Variants in MGST1 observed in about 807,000 individuals in gnomAD.
The protein encoded by MGST1 is glutathione S-transferase 12.
A neutral mutation model predicts 8.9 loss-of-function variants in MGST1; 5 were observed. That is an observed-to-expected ratio of 0.56 (90% CI 0.29 to 1.19). The LOEUF (loss-of-function observed/expected upper bound fraction) is 1.19, where lower values mean the gene tolerates loss of function less well. Among genes scored for constraint, MGST1 ranks in the 50% most tolerant of loss-of-function variants. The probability of loss-of-function intolerance (pLI) is 0.08; values close to 1 mark genes in which losing one functional copy is unlikely to be tolerated. For missense variants in MGST1, 182 were observed against 187.4 expected, an observed-to-expected ratio of 0.97 and a Z score of 0.17; for synonymous variants, 54 against 67.8, an observed-to-expected ratio of 0.80 and a Z score of 1.00.
downstream of MGST1, among the ~76,000 whole-genome samples, chr12:16,443,280 G>T (rs1941052927): frequency 6.6e-6 from 1 of 151,448 alleles, no homozygotes; most frequent in South Asian, 2.1e-4. Flanking sequence ...CATATAATTT[G>T]ACCTTTTAAA....
intron 4 of MGST1, among the ~76,000 whole-genome samples, chr12:16,523,671 TGCATTTTATTTTTGGAAAAA>T (rs934709037): frequency 6.6e-5 from 10 of 152,136 alleles, no homozygotes; most frequent in African/African-American, 2.4e-4. Flanking sequence ...TCTTTGAGGC[TGCATTTTATTTTTGGAAAAA>T]GCCCAAAATT....
rs1427346222 is a variant in MGST1 at position 16,560,553 on chromosome 12, A to T, written n.483-28975A>T. On this transcript the variant is annotated intron_variant and non_coding_transcript_variant, in intron 4 of 4. Coordinates refer to the MGST1 transcript ENST00000538857. This position sits in a 1 kb window ranked among gnomAD's most constrained non-coding sequence, Gnocchi z 5.0. ...CACCAAAGAGCCTAGAATAAGAAAC[A>T]TTTTTTTTTTTTTACAAACTCTTAC... 1.3e-5 allele frequency: 18 copies of T among 1,414,916 alleles called. No individual in the cohort carries two copies. Among genetic ancestry groups the T allele is most frequent in the East Asian group, 5.1e-5 (2 of 39,406 alleles). 87.6% of individuals were successfully genotyped at this position (1,414,916 alleles called of 1,614,324 possible).
intron 4 of MGST1, among the ~76,000 whole-genome samples, chr12:16,569,586 A>G (rs761196144): frequency 2.6e-5 from 4 of 152,206 alleles, no homozygotes; most frequent in Non-Finnish European, 5.9e-5. Context: ...AAAGTAAAAT[A>G]GAATGTTTTT....
At chr12:16,538,434 A>C (rs1302336871) in intron 4 of MGST1, among the ~76,000 whole-genome samples, 2 of 152,030 alleles carry the variant, frequency 1.3e-5, no homozygotes, top group African/African-American at 4.8e-5. Context: ...CCACATTCTC[A>C]GGTATCTTGT....
At chr12:16,398,466 T>G (rs1591717198) in intron 1 of MGST1, among the ~76,000 whole-genome samples, 2 of 152,244 alleles carry the variant, frequency 1.3e-5, no homozygotes, top group East Asian at 3.9e-4. Flanking sequence ...GACTTGTCCC[T>G]TCCAGATCTA....
At chr12:16,534,324 T>C (rs2137204196) in intron 4 of MGST1, among the ~76,000 whole-genome samples, 1 of 152,330 alleles carries the variant, frequency 6.6e-6, no homozygotes, top group African/African-American at 2.4e-5. Context: ...TGATGTTTCC[T>C]CCCCAAATTC....
At chr12:16,461,343 T>C (rs141618614) in intron 4 of MGST1, among the ~76,000 whole-genome samples, 3 of 152,268 alleles carry the variant, frequency 2.0e-5, no homozygotes, top group Non-Finnish European at 4.4e-5. Flanking sequence ...TATATAGTTA[T>C]TCTATATTAC....
At chr12:16,393,202 G>A (rs1465506129) in intron 1 of MGST1, among the ~76,000 whole-genome samples, 2 of 152,202 alleles carry the variant, frequency 1.3e-5, no homozygotes, top group East Asian at 3.8e-4. Context: ...AAATAAGGGG[G>A]CCCTGATATT....
rs559646666 is a variant in MGST1, at chr12:16,389,813, G to A, written n.778+6209G>A. 1.3e-5 allele frequency among the ~76,000 whole-genome samples: 2 copies of A among 152,132 alleles called. No homozygotes were observed. The highest frequency in any genetic ancestry group is 1.3e-4 in the Admixed American group (2 of 15,276). On this transcript the variant is annotated intron_variant and non_coding_transcript_variant, in intron 1 of 1. Transcript: ENST00000359720. The surrounding 1 kb of genome is among the most constrained non-coding windows in gnomAD (Gnocchi z 4.6). Reference sequence around the variant, plus strand: ...CTGGGAGTGAGGCATGAGATCTCTCGGTAGAGGCAAAATAGAGTGATGAGA... The same window carrying A: ...CTGGGAGTGAGGCATGAGATCTCTCAGTAGAGGCAAAATAGAGTGATGAGA...
In MGST1 at chr12:16,401,056, C is replaced by T. The variant is rs564852907; in HGVS notation, n.778+17452C>T. On this transcript the variant is annotated intron_variant and non_coding_transcript_variant, in intron 1 of 1. Coordinates refer to the MGST1 transcript ENST00000359720. This position sits in a 1 kb window ranked among gnomAD's most constrained non-coding sequence, Gnocchi z 4.3. ...TGTTCTTTCTGTAAGTAATGCTGCC[C>T]GAGAACCTCTTCCCAAAAGGTCCTC... 83 of 1,592,728 alleles carry T rather than the reference C, an allele frequency of 5.2e-5. No homozygotes were observed. Among genetic ancestry groups the T allele is most frequent in the Non-Finnish European group, 6.6e-5 (77 of 1,161,142 alleles).
chr12:16,440,731 A>G (rs567781825), downstream of MGST1, among the ~76,000 whole-genome samples: 1 of 151,782 alleles, frequency 6.6e-6, no homozygotes, highest in East Asian at 1.9e-4. Context: ...TTGTTTGTGG[A>G]CTTTATATTA....
intron 1 of MGST1, among the ~76,000 whole-genome samples, chr12:16,433,933 T>TCCTATTCATAA (rs1453972485): frequency 6.6e-6 from 1 of 152,090 alleles, no homozygotes; most frequent in Non-Finnish European, 1.5e-5. Flanking sequence ...ATCAGAATAT[T>TCCTATTCATAA]CCTATTCATA....
At chr12:16,378,260 C>T (rs1222596275), downstream of MGST1, among the ~76,000 whole-genome samples, 18 of 151,824 alleles carry the variant, frequency 1.2e-4, no homozygotes, top group African/African-American at 7.2e-5. Context: ...GGTTTTCTTC[C>T]AGGGTTTTTA....
intron 4 of MGST1, among the ~76,000 whole-genome samples, chr12:16,516,718 T>C (rs183227787): frequency 6.6e-6 from 1 of 152,286 alleles, no homozygotes; most frequent in Admixed American, 6.5e-5. Flanking sequence ...TTGCTTTTTT[T>C]AAAGGAAGAC....
chr12:16,402,241 G>A lies in MGST1; in HGVS notation n.778+18637G>A, dbSNP rs1360749890. The stretch of plus-strand genomic sequence containing the variant: ...CAAAAGACCATGGTAGTATCAGTTA[G>A]TTCATAACCAAAGAGCCATGTCTGT... On this transcript the variant is annotated intron_variant and non_coding_transcript_variant, in intron 1 of 1. Transcript: ENST00000359720. 7.6e-6 allele frequency: 12 copies of A among 1,587,558 alleles called. No homozygotes were observed. The South Asian group carries it at 1.1e-4, about 15-fold the overall frequency.
At chr12:16,489,714 G>A (rs906457363) in intron 4 of MGST1, among the ~76,000 whole-genome samples, 3 of 152,174 alleles carry the variant, frequency 2.0e-5, no homozygotes, top group South Asian at 2.1e-4. Flanking sequence ...AGAGCAGGCA[G>A]AGACACTTTT....
intron 4 of MGST1, among the ~76,000 whole-genome samples, chr12:16,505,186 T>C (rs1941529340): frequency 6.6e-6 from 1 of 152,220 alleles, no homozygotes; most frequent in Admixed American, 6.5e-5. Flanking sequence ...GACTTTTTTC[T>C]GCAGAGTTAC....
At chr12:16,488,136 C>A (rs1941411825) in intron 4 of MGST1, among the ~76,000 whole-genome samples, 1 of 152,098 alleles carries the variant, frequency 6.6e-6, no homozygotes, top group Admixed American at 6.6e-5. Context: ...GAGAGAGGGT[C>A]TAGGAGAATG....
At chr12:16,351,810 A>T (rs1939478961) in intron 1 of MGST1, among the ~76,000 whole-genome samples, 1 of 152,076 alleles carries the variant, frequency 6.6e-6, no homozygotes, top group African/African-American at 2.4e-5. Flanking sequence ...ACTCCATCTC[A>T]AAAAAAGAAA....
Sources: gnomAD v4.1 joint callset for allele counts (sites outside exome capture counted in the v4.1 genomes callset) on GRCh38, gnomAD v4.1.1 for gene constraint, Gnocchi (gnomAD v3.1) non-coding constraint, MANE v1.5 for transcripts, NCBI Gene and HGNC (gene_info 2026-07-23, HGNC 2026-07-21) for gene names.